The following CEP112 variants were observed in gnomAD, a reference collection of about 807,000 sequenced individuals.
CEP112 encodes centrosomal protein of 112 kDa.
CEP112 carries 127 observed loss-of-function variants against 153.0 expected under a neutral mutation model. That is an observed-to-expected ratio of 0.83 (90% CI 0.72 to 0.96). The LOEUF (loss-of-function observed/expected upper bound fraction) is 0.96. Among genes scored for constraint, CEP112 ranks in the 40% least tolerant of loss-of-function variants. The pLI is 0.00. For synonymous variants in CEP112, 358 were observed against 374.4 expected (o/e 0.96, Z 0.51); for missense variants, 1,089 against 1,101.2 (o/e 0.99, Z 0.16).
intron 19 of CEP112, among the ~76,000 whole-genome samples, chr17:65,917,811 A>C (rs1268924010): frequency 6.6e-6 from 1 of 151,890 alleles, no homozygotes; most frequent in African/African-American, 2.4e-5. Context: ...TACACTAGTG[A>C]GTGTCTTCCC....
intron 21 of CEP112, among the ~76,000 whole-genome samples, chr17:65,835,058 T>A (rs1000384753): frequency 2.0e-5 from 3 of 152,008 alleles, no homozygotes; most frequent in African/African-American, 7.2e-5. Flanking sequence ...TGGATGGAGA[T>A]GGAGGCTATT....
At chr17:65,668,235 T>A (rs1567836676) in intron 24 of CEP112, among the ~76,000 whole-genome samples, 1 of 152,138 alleles carries the variant, frequency 6.6e-6, no homozygotes, top group Non-Finnish European at 1.5e-5. Flanking sequence ...TCCATTTCAA[T>A]AAACTATAAG....
At chr17:65,660,708 C>T (rs535370026) in intron 24 of CEP112, among the ~76,000 whole-genome samples, 7 of 84,666 alleles carry the variant, frequency 8.3e-5, no homozygotes, top group African/African-American at 4.5e-4. Context: ...CCATGCCTTG[C>T]TAATTTTTGT....
At chr17:65,676,619 C>A (rs879067412) in intron 24 of CEP112, among the ~76,000 whole-genome samples, 1 of 152,150 alleles carries the variant, frequency 6.6e-6, no homozygotes, top group South Asian at 2.1e-4. Context: ...TGTTCAGCAA[C>A]GTATATCCAG....
intron 23 of CEP112, 117 bp downstream of exon 23, chr17:65,742,951 C>T: frequency 1.4e-6 from 1 of 723,134 alleles, no homozygotes; most frequent in Admixed American, 3.2e-5. Context: ...GGAATTACTG[C>T]AGGCTGTGTG....
At chr17:66,091,948 A>C in intron 8 of CEP112, among the ~76,000 whole-genome samples, 1 of 152,212 alleles carries the variant, frequency 6.6e-6, no homozygotes, top group East Asian at 1.9e-4. Flanking sequence ...AAATTCCTGG[A>C]CACACAGAAC....
rs2066375309 is a variant in CEP112, at chr17:66,050,058, A to C, written c.1218+3678T>G. ...TCAAAATAATGCCAAAAAGTCCATAACTAGAGACATTATAGTGATATTTAC... is the reference window on the plus strand; with the variant it reads ...TCAAAATAATGCCAAAAAGTCCATACCTAGAGACATTATAGTGATATTTAC... On this transcript the variant is annotated intron_variant, in intron 12 of 26. Coordinates refer to ENST00000535342, the MANE Select transcript of CEP112 (RefSeq NM_001199165.4). Among the ~76,000 whole-genome samples the C allele has an allele frequency of 2.6e-5, 4 of 152,316 alleles. No homozygotes were observed. The South Asian group carries it at 8.3e-4, about 32-fold the overall frequency.
In CEP112 at chr17:66,120,883, T is replaced by C. The variant is rs372759032; in HGVS notation, c.642+8863A>G. 5.9e-5 allele frequency among the ~76,000 whole-genome samples: 9 copies of C among 152,282 alleles called. No individual in the cohort carries two copies. The South Asian group carries it at 8.3e-4, about 14-fold the overall frequency. ...ACTTTAATCTTTATTATTTCCTTCA[T>C]CTGCTTACTTTGGGTTTAACTTGTT... On this transcript the variant is annotated intron_variant, in intron 6 of 26. Transcript: ENST00000535342.
chr17:66,107,801 C>T (rs2068849013), intron 6 of CEP112, among the ~76,000 whole-genome samples: 1 of 151,874 alleles, frequency 6.6e-6, no homozygotes, highest in Non-Finnish European at 1.5e-5. Context: ...ATAATACTAA[C>T]ATTTATATGG....
At chr17:65,835,452 C>G (rs1016727591) in intron 21 of CEP112, among the ~76,000 whole-genome samples, 2 of 152,076 alleles carry the variant, frequency 1.3e-5, no homozygotes, top group African/African-American at 4.8e-5. Context: ...CTCAAAGCAG[C>G]AAGAGAAAAG....
chr17:66,070,228 G>A (rs141381763), intron 8 of CEP112, among the ~76,000 whole-genome samples: 1 of 152,000 alleles, frequency 6.6e-6, no homozygotes, highest in Admixed American at 6.5e-5. Context: ...CACCTGGTAG[G>A]CAAAACTGAC....
intron 17 of CEP112, among the ~76,000 whole-genome samples, chr17:65,962,572 G>A (rs756033943): frequency 1.2e-4 from 19 of 152,162 alleles, no homozygotes; most frequent in South Asian, 4.1e-4. Flanking sequence ...CTAACTAGGC[G>A]CTGGGTATTG....
chr17:65,828,728 T>C (rs913404279), intron 21 of CEP112, among the ~76,000 whole-genome samples: 2 of 152,160 alleles, frequency 1.3e-5, no homozygotes, highest in South Asian at 2.1e-4. Flanking sequence ...TTATTAATAA[T>C]AGTGCTCCTA....
At chr17:66,097,229 C>T (rs1480090535) in intron 6 of CEP112, among the ~76,000 whole-genome samples, 1 of 152,178 alleles carries the variant, frequency 6.6e-6, no homozygotes, top group East Asian at 1.9e-4. Flanking sequence ...ACTATACTGT[C>T]TCCCATGTCT....
chr17:65,887,108 G>A (rs137943867), intron 20 of CEP112, among the ~76,000 whole-genome samples: 1 of 151,890 alleles, frequency 6.6e-6, no homozygotes, highest in African/African-American at 2.4e-5. Flanking sequence ...AAAAAAAACA[G>A]GTTTCCCCAC....
intron 1 of CEP112, among the ~76,000 whole-genome samples, chr17:66,189,373 A>G (rs2073075082): frequency 6.6e-6 from 1 of 151,966 alleles, no homozygotes; most frequent in Non-Finnish European, 1.5e-5. Flanking sequence ...GCAAAGTGGC[A>G]CACACCTGTA....
At chr17:65,717,238 C>T (rs1348659073) in intron 23 of CEP112, among the ~76,000 whole-genome samples, 1 of 152,150 alleles carries the variant, frequency 6.6e-6, no homozygotes, top group Non-Finnish European at 1.5e-5. Context: ...TAAAAAGGTT[C>T]CTTGCCCCTG....
chr17:65,666,199 C>T lies in CEP112; in HGVS notation c.2697+22930G>A, dbSNP rs145882957. On this transcript the variant is annotated intron_variant, in intron 24 of 26. Transcript: ENST00000535342. ...TGCATGCTTTATCCCCAGGCTACCGCCTGTTGCTACAGAAAGTAAACAACA... is the reference window on the plus strand; with the variant it reads ...TGCATGCTTTATCCCCAGGCTACCGTCTGTTGCTACAGAAAGTAAACAACA... Among the ~76,000 whole-genome samples the T allele has an allele frequency of 7.9e-5, 12 of 152,382 alleles. No homozygotes were observed. In the East Asian group the frequency reaches 2.1e-3, roughly 27 times the overall value.
chr17:66,058,415 A>C (rs2066790781), intron 11 of CEP112, among the ~76,000 whole-genome samples: 1 of 152,150 alleles, frequency 6.6e-6, no homozygotes, highest in African/African-American at 2.4e-5. Context: ...TAAAAACTAG[A>C]AAAGAACCAA....
Sources: allele counts gnomAD v4.1 joint callset (sites outside exome capture counted in the v4.1 genomes callset), GRCh38; gene constraint gnomAD v4.1.1; transcripts MANE v1.5; gene names NCBI Gene and HGNC (gene_info 2026-07-23, HGNC 2026-07-21).